RASGRF2: variants seen among roughly 807,000 people sequenced by gnomAD.
RASGRF2 encodes the protein ras-specific guanine nucleotide-releasing factor 2.
A neutral mutation model predicts 151.0 loss-of-function variants in RASGRF2; 76 were observed. The observed-to-expected ratio is 0.50, with a 90% CI of 0.42 to 0.61. The LOEUF is 0.61. RASGRF2 is among the 20% of genes least tolerant of loss of function. RASGRF2 has a pLI of 0.00. For synonymous variants in RASGRF2, 504 were observed against 566.5 expected (o/e 0.89, Z 1.57); for missense variants, 1,148 against 1,564.6 (o/e 0.73, Z 4.49).
chr5:81,073,183 A>AT lies in RASGRF2; in HGVS notation c.634-10dup, dbSNP rs767154516. On this transcript the variant is annotated splice_polypyrimidine_tract_variant and intron_variant, in intron 4 of 26. Coordinates refer to ENST00000265080, the MANE Select transcript of RASGRF2 (RefSeq NM_006909.3). The stretch of plus-strand genomic sequence containing the variant: ...TTGTAACTAGTCAGATTCCTTTCTG[A>AT]TTTTTTGTTCTGTAGGTTCAGAGCT... 33 of 1,602,508 alleles carry AT rather than the reference A, an allele frequency of 2.1e-5. No individual in the cohort carries two copies. In the Admixed American group the frequency reaches 4.9e-4, roughly 24 times the overall value.
rs112544111 is a variant in RASGRF2 at position 81,139,899 on chromosome 5, C to T, written c.2686+12736C>T. ...ATGGAGTACAGTGACACAATCATGG[C>T]TCACTGCAGCCTTGAACTCCTGGGC... On this transcript the variant is annotated intron_variant, in intron 17 of 26. Transcript: ENST00000265080. 5.5e-3 allele frequency among the ~76,000 whole-genome samples: 834 copies of T among 152,216 alleles called. 7 individuals are homozygous for T. Among genetic ancestry groups the T allele is most frequent in the African/African-American group, 0.019 (773 of 41,518 alleles).
intron 14 of RASGRF2, among the ~76,000 whole-genome samples, chr5:81,113,140 C>G (rs1753047819): frequency 1.3e-5 from 2 of 150,900 alleles, no homozygotes; most frequent in South Asian, 4.2e-4. Flanking sequence ...TTCTTTCTTT[C>G]TTTCTTTTTT....
intron 23 of RASGRF2, among the ~76,000 whole-genome samples, chr5:81,215,178 A>G (rs995321048): frequency 6.6e-6 from 1 of 152,158 alleles, no homozygotes; most frequent in Non-Finnish European, 1.5e-5. Context: ...GTCTCTACTA[A>G]AAGTACAAAA....
At chr5:81,091,548 C>T (rs1752388644) in intron 9 of RASGRF2, among the ~76,000 whole-genome samples, 6 of 152,144 alleles carry the variant, frequency 3.9e-5, no homozygotes, top group Admixed American at 3.3e-4. Flanking sequence ...GAGATCCAGG[C>T]GTGGAAACTT....
intron 2 of RASGRF2, among the ~76,000 whole-genome samples, chr5:81,046,317 C>T (rs575279359): frequency 2.0e-5 from 3 of 152,162 alleles, no homozygotes; most frequent in Non-Finnish European, 4.4e-5. Context: ...CCCCACTTTG[C>T]CTTCAGAGAA....
In RASGRF2 at chr5:81,064,970, A is replaced by G. The variant is rs1477648143; in HGVS notation, c.396-3062A>G. ...GATTTAATCAGATGAAAGACCTTACAGAGCAGGTGAGAAATGTTCTCCCAC... is the reference window on the plus strand; with the variant it reads ...GATTTAATCAGATGAAAGACCTTACGGAGCAGGTGAGAAATGTTCTCCCAC... On this transcript the variant is annotated intron_variant, in intron 2 of 26. Transcript: ENST00000265080. Among the ~76,000 whole-genome samples the G allele has an allele frequency of 3.3e-5, 5 of 152,204 alleles. No individual in the cohort carries two copies. In the South Asian group the frequency reaches 8.3e-4, roughly 25 times the overall value.
At chr5:80,996,598 T>A (rs1328467255) in intron 1 of RASGRF2, among the ~76,000 whole-genome samples, 1 of 111,346 alleles carries the variant, frequency 9.0e-6, no homozygotes, top group Admixed American at 1.0e-4. Flanking sequence ...CTTTCTTTTT[T>A]TTTTTTTGAC....
At chr5:80,964,570 A>G (rs1019365541) in intron 1 of RASGRF2, among the ~76,000 whole-genome samples, 5 of 152,112 alleles carry the variant, frequency 3.3e-5, no homozygotes, top group Non-Finnish European at 7.4e-5. Flanking sequence ...TTGAAGATAT[A>G]AAGACTAAAT....
intron 5 of RASGRF2, 96 bp downstream of exon 5, chr5:81,073,548 A>C (rs1201972975): frequency 9.1e-5 from 119 of 1,313,350 alleles, no homozygotes; most frequent in Non-Finnish European, 1.2e-4. Context: ...TCATAAATTC[A>C]TCTCTATTAG....
chr5:81,196,968 G>A (rs1184518453), intron 18 of RASGRF2, among the ~76,000 whole-genome samples: 1 of 152,118 alleles, frequency 6.6e-6, no homozygotes, highest in Non-Finnish European at 1.5e-5. Flanking sequence ...AAAGAACACT[G>A]GCAAACTATT....
Position 81,068,155 on chromosome 5 carries a change from A to G in RASGRF2, c.519A>G (p.Thr173=). 5 of 1,612,364 alleles carry G rather than the reference A, an allele frequency of 3.1e-6. No homozygotes were observed. The highest frequency in any genetic ancestry group is 4.2e-6 in the Non-Finnish European group (5 of 1,179,158). ...GACATCAACTTGAAGATCAAGACAC[A>G]GAAATCGAAAGGCTTAAATCAGAGG... ...QLRHQLEDQD[T]EIERLKSEII... is the part of the protein sequence containing the mutation. Residue 173 remains threonine (T), a synonymous_variant, in exon 3 of 27, where the codon ACA becomes ACG. Transcript: ENST00000265080.
chr5:81,154,985 G>T (rs760480515), intron 17 of RASGRF2, among the ~76,000 whole-genome samples: 1 of 152,108 alleles, frequency 6.6e-6, no homozygotes, highest in East Asian at 1.9e-4. Context: ...TCTAACTGGG[G>T]TGAGGTGATA....
At chr5:81,181,531 C>T (rs1403307624) in intron 18 of RASGRF2, among the ~76,000 whole-genome samples, 1 of 152,184 alleles carries the variant, frequency 6.6e-6, no homozygotes, top group East Asian at 1.9e-4. Context: ...TCTCTTTTCC[C>T]TGTAGTCTCA....
At chr5:81,184,641 A>T (rs1431601445) in intron 18 of RASGRF2, among the ~76,000 whole-genome samples, 1 of 152,194 alleles carries the variant, frequency 6.6e-6, no homozygotes, top group Non-Finnish European at 1.5e-5. Flanking sequence ...AAACAGTCAC[A>T]TATTTTCTTA....
chr5:81,182,089 G>A (rs1439256973), intron 18 of RASGRF2, among the ~76,000 whole-genome samples: 1 of 152,110 alleles, frequency 6.6e-6, no homozygotes, highest in Non-Finnish European at 1.5e-5. Context: ...GCTGCGTTGC[G>A]ACCTGAGTGA....
At position 81,012,788 on chromosome 5, in the gene RASGRF2, C is replaced by T. The variant is rs60041168; in HGVS notation, c.289-30089C>T. On this transcript the variant is annotated intron_variant, in intron 1 of 26. Transcript: ENST00000265080. ...GGATCCTGTACAAGCAGAGGAGGCA[C>T]AAGGAAAAAGCCCAAGCTTGGGTTA... is the stretch of plus-strand genomic sequence containing the variant. Among the ~76,000 whole-genome samples the T allele has an allele frequency of 3.8e-3, 582 of 152,042 alleles. 5 individuals carry two copies. The highest frequency in any genetic ancestry group is 0.013 in the African/African-American group (551 of 41,484).
chr5:81,147,262 T>A (rs916315843), intron 17 of RASGRF2, among the ~76,000 whole-genome samples: 1 of 152,220 alleles, frequency 6.6e-6, no homozygotes, highest in Non-Finnish European at 1.5e-5. Flanking sequence ...GTCAGCTTTC[T>A]CTGGCAGCAG....
At chr5:80,987,201 T>C (rs1247692965) in intron 1 of RASGRF2, among the ~76,000 whole-genome samples, 1 of 152,224 alleles carries the variant, frequency 6.6e-6, no homozygotes, top group South Asian at 2.1e-4. Context: ...CCTTTGCTTC[T>C]GGACTTTTTC....
chr5:81,079,633 T>G (rs1005644007), intron 5 of RASGRF2, among the ~76,000 whole-genome samples: 1 of 152,208 alleles, frequency 6.6e-6, no homozygotes, highest in African/African-American at 2.4e-5. Context: ...TTCAGAAGAT[T>G]CTTTTGCATT....
Sources: allele counts gnomAD v4.1 joint callset (sites outside exome capture counted in the v4.1 genomes callset), GRCh38; gene constraint gnomAD v4.1.1; transcripts MANE v1.5; gene names NCBI Gene and HGNC (gene_info 2026-07-23, HGNC 2026-07-21).